The following TG variants were observed in gnomAD, a reference collection of about 807,000 sequenced individuals.
TG encodes the protein thyroid hormones.
In TG, 270 loss-of-function variants were observed where a neutral mutation model predicts 324.7. The observed-to-expected ratio is 0.83, with a 90% CI of 0.75 to 0.92. TG has a LOEUF of 0.92. TG is among the 40% of genes least tolerant of loss of function. TG has a pLI of 0.00. For synonymous variants in TG, 1,401 were observed against 1,327.0 expected (o/e 1.06, Z -1.21); for missense variants, 3,591 against 3,456.4 (o/e 1.04, Z -0.98).
intron 36 of TG, among the ~76,000 whole-genome samples, chr8:133,012,657 G>A (rs1344982328): frequency 2.0e-5 from 3 of 152,220 alleles, no homozygotes; most frequent in Admixed American, 2.0e-4. Flanking sequence ...AACCCCCACT[G>A]AGGTTCTATG....
chr8:133,015,065 G>A (rs917521002), intron 37 of TG, among the ~76,000 whole-genome samples: 1 of 152,120 alleles, frequency 6.6e-6, no homozygotes, highest in East Asian at 1.9e-4. Context: ...TAGAGATAGG[G>A]TTTTGCCATG....
intron 41 of TG, among the ~76,000 whole-genome samples, chr8:133,090,571 CGAG>C (rs979691659): frequency 2.0e-5 from 3 of 152,194 alleles, no homozygotes; most frequent in Non-Finnish European, 4.4e-5. Flanking sequence ...TAGGTTGTAA[CGAG>C]GAGTTTCATC....
chr8:132,968,568 CT>C (rs1828984212), intron 31 of TG, among the ~76,000 whole-genome samples: 1 of 152,166 alleles, frequency 6.6e-6, no homozygotes, highest in Admixed American at 6.5e-5. Flanking sequence ...TCTATCTTCT[CT>C]GTTGGATGTC....
intron 35 of TG, among the ~76,000 whole-genome samples, chr8:132,983,949 C>T (rs983410965): frequency 6.6e-6 from 1 of 152,362 alleles, no homozygotes; most frequent in East Asian, 1.9e-4. Context: ...TGCTCCTGCA[C>T]ATCCCACTGA....
At chr8:133,062,717 A>T (rs1462907616) in intron 41 of TG, among the ~76,000 whole-genome samples, 1 of 151,990 alleles carries the variant, frequency 6.6e-6, no homozygotes, top group Non-Finnish European at 1.5e-5. Flanking sequence ...AGGGTGTCGT[A>T]CACAGGCCTC....
At chr8:133,010,896 G>A (rs1834448648) in intron 35 of TG, among the ~76,000 whole-genome samples, 1 of 152,196 alleles carries the variant, frequency 6.6e-6, no homozygotes, top group Non-Finnish European at 1.5e-5. Flanking sequence ...CAGTTGGAGG[G>A]CACAAGCTTC....
At position 132,933,486 on chromosome 8, in the gene TG, CA is replaced by C. The variant is rs1823103262; in HGVS notation, c.4817-74del. 4.3e-6 allele frequency: 5 copies of C among 1,154,810 alleles called. No homozygotes were observed. In the South Asian group the frequency reaches 4.9e-5, roughly 11 times the overall value. The allele number at this position is 1,154,810 out of a possible 1,614,324, so 71.5% of individuals were successfully genotyped here. A position where few individuals can be genotyped will look rare whatever the true frequency, so the allele number is the denominator to read the frequency against. On this transcript the variant is annotated intron_variant, in intron 23 of 47. Coordinates refer to ENST00000220616, the MANE Select transcript of TG (RefSeq NM_003235.5). Reference sequence around the variant, plus strand: ...TGTGTTTGGGCATGTGGGGCAGGGGCAGGGGGATGTGTCTGCTCTGCCCTCA... The same window carrying C: ...TGTGTTTGGGCATGTGGGGCAGGGGCGGGGGATGTGTCTGCTCTGCCCTCA...
At chr8:133,059,192 C>G (rs1297040968) in intron 41 of TG, 2 of 452,340 alleles carry the variant, frequency 4.4e-6, no homozygotes, top group African/African-American at 4.0e-5. Context: ...TGTGGTCACC[C>G]CTGCGAGGAA....
intron 43 of TG, among the ~76,000 whole-genome samples, chr8:133,108,962 C>T (rs2131734716): frequency 1.3e-5 from 2 of 152,326 alleles, no homozygotes; most frequent in Admixed American, 1.3e-4. Flanking sequence ...ACTTTTAATG[C>T]ATGTTTCGTT....
At chr8:132,887,648 T>C in intron 9 of TG, 100 bp downstream of exon 9, 1 of 1,507,160 alleles carries the variant, frequency 6.6e-7, no homozygotes, top group South Asian at 1.1e-5. Flanking sequence ...GGCCAATGCT[T>C]ACACTTCAGT....
At chr8:132,983,700 T>G in intron 35 of TG, 1 of 508,632 alleles carries the variant, frequency 2.0e-6, no homozygotes, top group Middle Eastern at 5.5e-4. Context: ...TTTTAAGGAT[T>G]ATTTCGCCCT....
In TG at chr8:132,901,558, G is replaced by T. The variant is rs775572760; in HGVS notation, c.3634+5G>T. On this transcript the variant is annotated splice_donor_5th_base_variant and intron_variant, in intron 16 of 47. Transcript: ENST00000220616. The stretch of plus-strand genomic sequence containing the variant: ...GGGGCCAGCCCGCCTGTGAGAGTAA[G>T]TCATGACCCCCTGGGGGGACGACGA... The T allele has an allele frequency of 3.7e-6, 6 of 1,612,212 alleles. No individual in the cohort carries two copies. The highest frequency in any genetic ancestry group is 8.5e-7 in the Non-Finnish European group (1 of 1,179,548).
chr8:132,913,243 C>A lies in TG; in HGVS notation c.4356C>A (p.Ala1452=). The A allele has an allele frequency of 6.2e-7, 1 of 1,614,148 alleles. No homozygotes were observed. Among genetic ancestry groups the A allele is most frequent in the Non-Finnish European group, 8.5e-7 (1 of 1,180,028 alleles). ...TCTACCAAGTCTTGACAAGTGAGGC[C>A]AGTCAGGACGGACTGGGATGCGGTA... The part of the protein sequence containing the change: ...EGFYQVLTSE[A]SQDGLGCVKC... The change falls in exon 20 of 48, where the codon GCC becomes GCA. Residue 1452 remains alanine (A), a synonymous_variant. Coordinates refer to ENST00000220616, the MANE Select transcript of TG (RefSeq NM_003235.5).
intron 47 of TG, among the ~76,000 whole-genome samples, chr8:133,133,914 TC>T (rs1852147802): frequency 6.6e-6 from 1 of 152,034 alleles, no homozygotes; most frequent in African/African-American, 2.4e-5. Flanking sequence ...GGAGAGAAGG[TC>T]TATGGGGGGT....
In TG at chr8:133,013,653, G is replaced by A. The variant is rs754051778; in HGVS notation, c.6451G>A (p.Ala2151Thr). ...CACCACTCTGCAAACCCAACCTGGG[G>A]CTGTGAGATGTATGTTCTATGCTGA... ...LITTLQTQPG[A>T]VRCMFYADTQ... Residue 2151 changes from alanine to threonine, a missense_variant, in exon 37 of 48, where the codon GCT (alanine) becomes ACT (threonine). By Grantham distance (58) the Ala-to-Thr change is moderately conservative. Coordinates refer to ENST00000220616, the MANE Select transcript of TG (RefSeq NM_003235.5). 2.5e-6 allele frequency: 4 copies of A among 1,614,076 alleles called. No individual in the cohort carries two copies. In the East Asian group the frequency reaches 6.7e-5, roughly 27 times the overall value.
At chr8:133,040,093 G>C in intron 41 of TG, 1 of 1,568,454 alleles carries the variant, frequency 6.4e-7, no homozygotes, top group African/African-American at 1.3e-5. Flanking sequence ...GTGTCAGGCA[G>C]GGCGTGGTGA....
intron 47 of TG, among the ~76,000 whole-genome samples, chr8:133,134,454 GTGTC>G (rs1301878612): frequency 6.6e-6 from 1 of 152,228 alleles, no homozygotes; most frequent in Non-Finnish European, 1.5e-5. Flanking sequence ...CCAAGGCTGA[GTGTC>G]TGTCTGCTGA....
At chr8:133,074,558 A>G (rs2739155) in intron 41 of TG, among the ~76,000 whole-genome samples, 128,931 of 152,204 alleles carry the variant, frequency 0.85, 55,089 homozygotes, top group African/African-American at 0.96. Context: ...AATCCCAATT[A>G]TCCTTTGTAA....
intron 35 of TG, among the ~76,000 whole-genome samples, chr8:132,994,098 C>T (rs1832645286): frequency 2.6e-5 from 4 of 152,270 alleles, no homozygotes; most frequent in Middle Eastern, 3.4e-3. Flanking sequence ...AGCCATGATT[C>T]TCATCTAGAA....
Sources: allele counts gnomAD v4.1 joint callset (sites outside exome capture counted in the v4.1 genomes callset), GRCh38; gene constraint gnomAD v4.1.1; transcripts MANE v1.5; gene names NCBI Gene and HGNC (gene_info 2026-07-23, HGNC 2026-07-21).